SLC36A1: variants seen among roughly 807,000 people sequenced by gnomAD.
SLC36A1 encodes the protein proton-coupled amino acid transporter 1.
SLC36A1 carries 30 observed loss-of-function variants against 47.5 expected under a neutral mutation model. The observed-to-expected ratio is 0.63, with a 90% CI of 0.47 to 0.86. The LOEUF is 0.86. Ranked by LOEUF, SLC36A1 falls within the 40% of genes least tolerant of loss-of-function variation. The probability of loss-of-function intolerance (pLI) is 0.00; values close to 1 mark genes in which losing one functional copy is unlikely to be tolerated. For synonymous variants in SLC36A1, 255 were observed against 249.7 expected, an observed-to-expected ratio of 1.02 and a Z score of -0.20; for missense variants, 517 against 606.0, an observed-to-expected ratio of 0.85 and a Z score of 1.54.
chr5:151,536,227 A>G, the SLC36A1 span, among the ~76,000 whole-genome samples: 4 of 152,168 alleles, frequency 2.6e-5, no homozygotes, highest in Admixed American at 2.6e-4. Flanking sequence ...TTCAGAAAAA[A>G]AAACGCCATT....
At chr5:151,470,043 T>C (rs994659959) in intron 7 of SLC36A1, among the ~76,000 whole-genome samples, 1 of 152,240 alleles carries the variant, frequency 6.6e-6, no homozygotes, top group African/African-American at 2.4e-5. Context: ...GTGGCAGATA[T>C]TGACTCTTCT....
intron 7 of SLC36A1, among the ~76,000 whole-genome samples, chr5:151,472,638 C>A: frequency 6.6e-6 from 1 of 152,062 alleles, no homozygotes; most frequent in Non-Finnish European, 1.5e-5. Flanking sequence ...CTTGGTAATA[C>A]TTTGAAAGTG....
chr5:151,546,310 T>C, the SLC36A1 span: 2 of 1,613,458 alleles, frequency 1.2e-6, no homozygotes. Flanking sequence ...TAGCAGGGCA[T>C]TGATGTTGAA....
At chr5:151,506,249 T>G in the SLC36A1 span, 1 of 775,614 alleles carries the variant, frequency 1.3e-6, no homozygotes, top group Admixed American at 3.7e-5. Flanking sequence ...TGGCTTACGT[T>G]GATAACATAG....
chr5:151,544,475 T>A, the SLC36A1 span: 1 of 1,614,110 alleles, frequency 6.2e-7, no homozygotes, highest in Admixed American at 1.7e-5. Flanking sequence ...TTGAAGTCAG[T>A]GGTGAACAGC....
intron 1 of SLC36A1, 129 bp from the exon 2 acceptor site, chr5:151,458,659 C>G (rs1016102097): frequency 9.8e-7 from 1 of 1,020,384 alleles, no homozygotes; most frequent in African/African-American, 1.6e-5. Context: ...CACTTTCATA[C>G]TTAATCCATA....
At chr5:151,553,641 T>C in the SLC36A1 span, among the ~76,000 whole-genome samples, 1 of 152,364 alleles carries the variant, frequency 6.6e-6, no homozygotes, top group African/African-American at 2.4e-5. Flanking sequence ...TAAATGCCAC[T>C]GTTAACTGAA....
chr5:151,421,556 T>C, the SLC36A1 span, among the ~76,000 whole-genome samples: 13 of 149,082 alleles, frequency 8.7e-5, no homozygotes, highest in Non-Finnish European at 1.6e-4. Context: ...TTGTAGAGTT[T>C]TTTCTTTTTC....
the SLC36A1 span, among the ~76,000 whole-genome samples, chr5:151,347,995 C>T: frequency 2.0e-5 from 3 of 152,202 alleles, no homozygotes; most frequent in African/African-American, 7.2e-5. Flanking sequence ...AAAATACCTA[C>T]AAATCCCTCT....
intron 1 of SLC36A1, among the ~76,000 whole-genome samples, chr5:151,441,555 C>T (rs1233810542): frequency 6.6e-6 from 1 of 151,958 alleles, no homozygotes; most frequent in Admixed American, 6.6e-5. Context: ...ATTTAAACAC[C>T]ATAAACCTGT....
intron 1 of SLC36A1, among the ~76,000 whole-genome samples, chr5:151,458,301 C>T (rs1011568504): frequency 1.3e-4 from 14 of 104,614 alleles, no homozygotes; most frequent in African/African-American, 2.2e-4. Context: ...TATACATACA[C>T]GTGTATATAC....
At chr5:151,476,819 G>C (rs1279076818) in intron 9 of SLC36A1, 63 bp downstream of exon 9, 2 of 1,578,748 alleles carry the variant, frequency 1.3e-6, no homozygotes, top group Admixed American at 1.7e-5. Context: ...ATGGGTCACA[G>C]TGTGGATTCT....
intron 2 of SLC36A1, 94 bp downstream of exon 2, chr5:151,459,029 A>C: frequency 7.2e-7 from 1 of 1,386,048 alleles, no homozygotes; most frequent in Non-Finnish European, 9.8e-7. Flanking sequence ...TCAGTCCTCC[A>C]CTTTACAGAT....
the SLC36A1 span, chr5:151,422,105 T>C: frequency 6.6e-6 from 1 of 151,990 alleles, no homozygotes; most frequent in African/African-American, 2.4e-5. Flanking sequence ...GCAAAGAAAG[T>C]TGTGTTTGCA....
At chr5:151,478,237 G>A (rs1161458608) in intron 9 of SLC36A1, among the ~76,000 whole-genome samples, 2 of 152,162 alleles carry the variant, frequency 1.3e-5, no homozygotes, top group Non-Finnish European at 2.9e-5. Context: ...TCCGACAAGG[G>A]AGGACAAATG....
At chr5:151,502,270 C>T in the SLC36A1 span, among the ~76,000 whole-genome samples, 1 of 146,450 alleles carries the variant, frequency 6.8e-6, no homozygotes, top group African/African-American at 2.8e-5. Context: ...CGAGACTGTG[C>T]CACTGCACTT....
chr5:151,378,094 G>A, the SLC36A1 span: 2 of 352,316 alleles, frequency 5.7e-6, no homozygotes, highest in African/African-American at 2.2e-5. Flanking sequence ...ACAGGTTGAT[G>A]TTGGCTAATT....
At chr5:151,346,538 G>A in the SLC36A1 span, among the ~76,000 whole-genome samples, 1 of 152,168 alleles carries the variant, frequency 6.6e-6, no homozygotes, top group Non-Finnish European at 1.5e-5. Flanking sequence ...CTGATTCTCT[G>A]TCCAGTGCTC....
At chr5:151,503,961 C>A in the SLC36A1 span, 1 of 152,156 alleles carries the variant, frequency 6.6e-6, no homozygotes, top group African/African-American at 2.4e-5. Context: ...GTAATGTTGC[C>A]AGGTTGGGAA....
Sources: allele counts gnomAD v4.1 joint callset (sites outside exome capture counted in the v4.1 genomes callset), GRCh38; gene constraint gnomAD v4.1.1; transcripts MANE v1.5; gene names NCBI Gene and HGNC (gene_info 2026-07-23, HGNC 2026-07-21).